SLC44A1: variants seen among roughly 807,000 people sequenced by gnomAD.
SLC44A1 encodes the protein choline transporter-like protein 1.
In SLC44A1, 26 loss-of-function variants were observed where a neutral mutation model predicts 79.3. The ratio of observed to expected loss-of-function variants is 0.33; its 90% CI spans 0.24 to 0.46. The LOEUF is 0.46. SLC44A1 is among the 20% of genes least tolerant of loss of function. SLC44A1 has a pLI of 1.00. For missense variants in SLC44A1, 688 were observed against 798.1 expected (o/e 0.86, Z 1.66); for synonymous variants, 263 against 286.2 (o/e 0.92, Z 0.82).
rs1828886430 is a variant in SLC44A1 at position 105,396,827 on chromosome 9, T to A, written c.*7771T>A. 4 of 985,044 alleles carry A rather than the reference T, an allele frequency of 4.1e-6. No individual in the cohort carries two copies. The South Asian group carries it at 1.9e-4, about 46-fold the overall frequency. 61.0% of individuals were successfully genotyped at this position (985,044 alleles called of 1,614,324 possible). A position where few individuals can be genotyped will look rare whatever the true frequency, so the allele number is the denominator to read the frequency against. On this transcript the variant is annotated 3_prime_UTR_variant, in exon 16 of 16. Transcript: ENST00000374720. ...AAACTGGAGGATCACAGTTAAGCCT[T>A]CCATGAATTCATAGTTTGGAATCAT...
rs556253590 is a variant in SLC44A1, at chr9:105,396,069, G to A, written c.*7013G>A. 9 of 985,184 alleles carry A rather than the reference G, an allele frequency of 9.1e-6. No individual in the cohort carries two copies. In the South Asian group the frequency reaches 3.3e-4, roughly 36 times the overall value. 61.0% of individuals were successfully genotyped at this position (985,184 alleles called of 1,614,324 possible). On this transcript the variant is annotated 3_prime_UTR_variant, in exon 16 of 16. Transcript: ENST00000374720. ...TTGGTTTTTGGCCCCTATTGTTTTTGCCTATTTTGATTTTCAGAGATGATC... is the reference window on the plus strand; with the variant it reads ...TTGGTTTTTGGCCCCTATTGTTTTTACCTATTTTGATTTTCAGAGATGATC...
intron 3 of SLC44A1, among the ~76,000 whole-genome samples, chr9:105,316,710 A>C (rs944834930): frequency 6.6e-6 from 1 of 152,222 alleles, no homozygotes; most frequent in Non-Finnish European, 1.5e-5. Context: ...AGTGTTGTCT[A>C]TTGAAAGCTG....
At chr9:105,437,311 A>G (rs1829476341) in intron 15 of SLC44A1, among the ~76,000 whole-genome samples, 1 of 152,074 alleles carries the variant, frequency 6.6e-6, no homozygotes, top group Non-Finnish European at 1.5e-5. Context: ...ATATGTATAG[A>G]TAGATATCTA....
chr9:105,428,249 T>C (rs1026140044), intron 15 of SLC44A1, among the ~76,000 whole-genome samples: 1 of 152,150 alleles, frequency 6.6e-6, no homozygotes, highest in African/African-American at 2.4e-5. Context: ...AAAAAATTAT[T>C]TTCTTTTATA....
intron 5 of SLC44A1, among the ~76,000 whole-genome samples, chr9:105,355,039 A>G (rs1214765475): frequency 1.3e-5 from 2 of 152,236 alleles, no homozygotes; most frequent in Non-Finnish European, 2.9e-5. Context: ...AGTTCTGTGA[A>G]CATATTTTCA....
Position 105,390,805 on chromosome 9 carries a change from G to C in SLC44A1, c.*1749G>C. On this transcript the variant is annotated 3_prime_UTR_variant, in exon 16 of 16. Transcript: ENST00000374720. ...AAAACACATGCATACACACAATTAA[G>C]AGCTCATGTCTTAGCAAGATCTGGG... 1 of 985,570 alleles carries C rather than the reference G, an allele frequency of 1.0e-6. No individual in the cohort carries two copies. Among genetic ancestry groups the C allele is most frequent in the Non-Finnish European group, 1.2e-6 (1 of 829,850 alleles). 61.1% of individuals were successfully genotyped at this position (985,570 alleles called of 1,614,324 possible).
At chr9:105,330,641 A>G (rs1237802033) in intron 3 of SLC44A1, among the ~76,000 whole-genome samples, 2 of 151,960 alleles carry the variant, frequency 1.3e-5, no homozygotes, top group African/African-American at 4.8e-5. Context: ...CCCTGTTTTC[A>G]TCTTTGGTGC....
At chr9:105,328,692 T>C (rs1723283873) in intron 3 of SLC44A1, among the ~76,000 whole-genome samples, 1 of 152,214 alleles carries the variant, frequency 6.6e-6, no homozygotes, top group Non-Finnish European at 1.5e-5. Context: ...TGCCTGTAAA[T>C]GAAGGTCTAC....
At chr9:105,273,733 T>C (rs550554191) in intron 1 of SLC44A1, among the ~76,000 whole-genome samples, 2 of 152,314 alleles carry the variant, frequency 1.3e-5, no homozygotes, top group South Asian at 2.1e-4. Context: ...CCATTGTACA[T>C]AGCCGTATCA....
At chr9:105,274,894 A>G (rs1209846586) in intron 1 of SLC44A1, among the ~76,000 whole-genome samples, 2 of 152,218 alleles carry the variant, frequency 1.3e-5, no homozygotes, top group Non-Finnish European at 1.5e-5. Context: ...TATCTCATCC[A>G]TTCCAATCTG....
intron 3 of SLC44A1, among the ~76,000 whole-genome samples, chr9:105,319,025 A>T (rs1485448972): frequency 6.6e-6 from 1 of 152,018 alleles, no homozygotes; most frequent in Non-Finnish European, 1.5e-5. Flanking sequence ...ATAGACAATG[A>T]CCTTTGTAAT....
At chr9:105,263,427 A>G (rs1373526263) in intron 1 of SLC44A1, among the ~76,000 whole-genome samples, 1 of 152,128 alleles carries the variant, frequency 6.6e-6, no homozygotes. Flanking sequence ...CCATGTCTGA[A>G]TGTCAGACTT....
At chr9:105,397,808 C>T (rs1828904192), downstream of SLC44A1, among the ~76,000 whole-genome samples, 1 of 151,962 alleles carries the variant, frequency 6.6e-6, no homozygotes, top group South Asian at 2.1e-4. Flanking sequence ...ATAAGCCGGG[C>T]GTGGTGGCGG....
intron 3 of SLC44A1, among the ~76,000 whole-genome samples, chr9:105,324,101 A>T (rs1415213166): frequency 6.6e-6 from 1 of 152,058 alleles, no homozygotes; most frequent in East Asian, 1.9e-4. Context: ...TCCCGGATTC[A>T]CGCCATTCTC....
At position 105,396,090 on chromosome 9, in the gene SLC44A1, T is replaced by A; in HGVS notation, c.*7034T>A. The A allele has an allele frequency of 2.0e-6, 2 of 985,442 alleles. No homozygotes were observed. The highest frequency in any genetic ancestry group is 2.4e-6 in the Non-Finnish European group (2 of 829,956). The allele number at this position is 985,442 out of a possible 1,614,324, so 61.0% of individuals were successfully genotyped here. The stretch of plus-strand genomic sequence containing the variant: ...TTTTGCCTATTTTGATTTTCAGAGA[T>A]GATCACATGGGGACAGTTAACTTTT... On this transcript the variant is annotated 3_prime_UTR_variant, in exon 16 of 16. Coordinates refer to ENST00000374720, the MANE Select transcript of SLC44A1 (RefSeq NM_080546.5).
At position 105,391,235 on chromosome 9, in the gene SLC44A1, TC is replaced by T; in HGVS notation, c.*2181del. 1 of 985,848 alleles carries T rather than the reference TC, an allele frequency of 1.0e-6. No homozygotes were observed. The highest frequency in any genetic ancestry group is 1.2e-6 in the Non-Finnish European group (1 of 829,918). The allele number at this position is 985,848 out of a possible 1,614,324, so 61.1% of individuals were successfully genotyped here. On this transcript the variant is annotated 3_prime_UTR_variant, in exon 16 of 16. Coordinates refer to ENST00000374720, the MANE Select transcript of SLC44A1 (RefSeq NM_080546.5). ...ATCATGGACTGTTGCTGCTCCCTGTTCCATATGCTCGCAATCTCAGCTATTT... is the reference window on the plus strand; with the variant it reads ...ATCATGGACTGTTGCTGCTCCCTGTTCATATGCTCGCAATCTCAGCTATTT...
chr9:105,395,227 G>C lies in SLC44A1; in HGVS notation c.*6171G>C. On this transcript the variant is annotated 3_prime_UTR_variant, in exon 16 of 16. Transcript: ENST00000374720. ...TTGGGGGTTTTTTTTGTTTGTTTTT[G>C]GTGTTTTTTTGAGACGGAGTCTCGC... The C allele has an allele frequency of 1.0e-6, 1 of 979,808 alleles. No homozygotes were observed. Among genetic ancestry groups the C allele is most frequent in the African/African-American group, 1.7e-5 (1 of 57,174 alleles). The allele number at this position is 979,808 out of a possible 1,614,324, so 60.7% of individuals were successfully genotyped here. A position where few individuals can be genotyped will look rare whatever the true frequency, so the allele number is the denominator to read the frequency against.
chr9:105,252,012 GT>G (rs1564397248), intron 1 of SLC44A1, among the ~76,000 whole-genome samples: 1 of 152,084 alleles, frequency 6.6e-6, no homozygotes, highest in African/African-American at 2.4e-5. Context: ...TGGTCTTTAC[GT>G]TTTTAAGTGG....
intron 4 of SLC44A1, among the ~76,000 whole-genome samples, chr9:105,341,335 C>CAAAAAAAAAAAAAAAAAAAAAAAAAAAA (rs529318721): frequency 1.5e-5 from 1 of 65,236 alleles, no homozygotes; most frequent in Non-Finnish European, 3.5e-5. Flanking sequence ...AACTTCGTCT[C>CAAAAAAAAAAAAAAAAAAAAAAAAAAAA]AAAAAAAAAA....
Sources: allele counts gnomAD v4.1 joint callset (sites outside exome capture counted in the v4.1 genomes callset), GRCh38; gene constraint gnomAD v4.1.1; transcripts MANE v1.5; gene names NCBI Gene and HGNC (gene_info 2026-07-23, HGNC 2026-07-21).